Variants in ENOX2 observed in about 807,000 individuals in gnomAD.
ENOX2 encodes APK1 antigen.
In ENOX2, 36 loss-of-function variants were observed where a neutral mutation model predicts 45.0. The ratio of observed to expected loss-of-function variants is 0.80; its 90% CI spans 0.61 to 1.06. ENOX2 has a LOEUF of 1.06. ENOX2 is among the 50% of genes least tolerant of loss of function. ENOX2 has a pLI of 0.00. For synonymous variants in ENOX2, 174 were observed against 152.3 expected (o/e 1.14, Z -1.05); for missense variants, 423 against 462.5 (o/e 0.91, Z 0.78).
At position 130,703,133 on chromosome X, in the gene ENOX2, T is replaced by C; in HGVS notation, c.84A>G (p.Gln28=). 2.5e-6 allele frequency: 3 copies of C among 1,208,209 alleles called. No individual in the cohort carries two copies. The highest frequency in any genetic ancestry group is 3.4e-6 in the Non-Finnish European group (3 of 893,682). Reference sequence around the variant, plus strand: ...AAAATAACATACCAGGTAAAATTGGTTGTCCGGCAATTCCCAGCGGTGCCA... The same window carrying C: ...AAAATAACATACCAGGTAAAATTGGCTGTCCGGCAATTCCCAGCGGTGCCA... The part of the protein sequence containing the change: ...LGMAPLGIAG[Q]PILPDFDPAL... The change falls in exon 4 of 15, where the codon CAA becomes CAG. Residue 28 remains glutamine, a synonymous_variant. Coordinates refer to ENST00000394363, the MANE Select transcript of ENOX2 (RefSeq NM_006375.4).
At chrX:130,863,678 A>G (rs2078445245) in intron 2 of ENOX2, among the ~76,000 whole-genome samples, 2 of 112,571 alleles carry the variant, frequency 1.8e-5, no homozygotes, top group South Asian at 3.7e-4. Flanking sequence ...CTACTAAATT[A>G]CCATTCTACA....
At chrX:130,829,149 G>A (rs1276222528) in intron 2 of ENOX2, among the ~76,000 whole-genome samples, 1 of 111,176 alleles carries the variant, frequency 9.0e-6, no homozygotes, top group African/African-American at 3.3e-5. Context: ...GGTGCTCCAT[G>A]AGAATAAGAA....
intron 2 of ENOX2, among the ~76,000 whole-genome samples, chrX:130,871,142 T>C (rs2078578852): frequency 1.8e-5 from 2 of 111,676 alleles, no homozygotes; most frequent in South Asian, 7.4e-4. Context: ...TTAGTCCAAG[T>C]GACTAAAGCC....
chrX:130,714,078 C>T (rs904741906), intron 3 of ENOX2, among the ~76,000 whole-genome samples: 1 of 111,333 alleles, frequency 9.0e-6, no homozygotes, highest in African/African-American at 3.3e-5. Flanking sequence ...GGCAACACTG[C>T]TACCATGCTC....
chrX:130,837,430 A>G (rs2077947238), intron 2 of ENOX2, among the ~76,000 whole-genome samples: 1 of 112,081 alleles, frequency 8.9e-6, no homozygotes, highest in African/African-American at 3.2e-5. Flanking sequence ...TCAGATTTGT[A>G]TAATTTTAGA....
At chrX:130,873,454 A>C (rs1447831893) in intron 2 of ENOX2, among the ~76,000 whole-genome samples, 7 of 111,995 alleles carry the variant, frequency 6.3e-5, no homozygotes, top group Non-Finnish European at 1.3e-4. Context: ...TGGGAGTGTA[A>C]ATTAGTTCAA....
intron 2 of ENOX2, among the ~76,000 whole-genome samples, chrX:130,800,720 C>T (rs1011044429): frequency 4.5e-5 from 5 of 112,005 alleles, no homozygotes; most frequent in African/African-American, 1.6e-4. Flanking sequence ...AACATAGTTA[C>T]ATTTTAGAGG....
intron 2 of ENOX2, among the ~76,000 whole-genome samples, chrX:130,818,479 C>T (rs959586505): frequency 8.9e-6 from 1 of 111,734 alleles, no homozygotes; most frequent in Admixed American, 9.5e-5. Flanking sequence ...GGAGGCATCA[C>T]GCTACCTGAC....
At chrX:130,710,654 T>A (rs1450901990) in intron 3 of ENOX2, among the ~76,000 whole-genome samples, 6 of 112,038 alleles carry the variant, frequency 5.4e-5, no homozygotes, top group Non-Finnish European at 1.9e-5. Flanking sequence ...GAACGCCTTA[T>A]ACCCCTGGTT....
intron 2 of ENOX2, among the ~76,000 whole-genome samples, chrX:130,860,639 T>G (rs1388903256): frequency 9.0e-6 from 1 of 111,444 alleles, no homozygotes; most frequent in African/African-American, 3.3e-5. Flanking sequence ...TCCTGTTTGT[T>G]GTACCCTCAT....
chrX:130,783,565 T>C lies in ENOX2; in HGVS notation c.-57A>G. The C allele has an allele frequency of 3.0e-6, 1 of 330,201 alleles. No homozygotes were observed. Among genetic ancestry groups the C allele is most frequent in the Non-Finnish European group, 5.9e-6 (1 of 169,671 alleles). The allele number at this position is 330,201 out of a possible 1,213,427, so 27.2% of individuals were successfully genotyped here. ...AGCTTACCTGAAGGAGTATTTGTTC[T>C]CTTTCTTTTCTTGCTTGATTCCCCT... On this transcript the variant is annotated 5_prime_UTR_variant, in exon 3 of 15. Coordinates refer to ENST00000394363, the MANE Select transcript of ENOX2 (RefSeq NM_006375.4).
intron 2 of ENOX2, among the ~76,000 whole-genome samples, chrX:130,832,161 G>A (rs2077844141): frequency 2.7e-5 from 3 of 110,401 alleles, no homozygotes; most frequent in Admixed American, 1.9e-4. Context: ...AATATGCTCC[G>A]TCTCACTATA....
intron 3 of ENOX2, among the ~76,000 whole-genome samples, chrX:130,757,608 C>T (rs759641211): frequency 8.9e-6 from 1 of 111,976 alleles, no homozygotes; most frequent in South Asian, 3.8e-4. Context: ...TTTAGCTGTA[C>T]TTAAGTGTCC....
chrX:130,669,681 C>T (rs996263729), intron 7 of ENOX2, among the ~76,000 whole-genome samples: 4 of 111,910 alleles, frequency 3.6e-5, no homozygotes, highest in South Asian at 3.8e-4. Context: ...AAGTCTCTGA[C>T]GTGGAAAGTG....
chrX:130,822,295 A>G, intron 2 of ENOX2, among the ~76,000 whole-genome samples: 1 of 111,680 alleles, frequency 9.0e-6, no homozygotes, highest in South Asian at 3.7e-4. Context: ...ACTTCACAAT[A>G]GTGCGAAAGC....
intron 3 of ENOX2, among the ~76,000 whole-genome samples, chrX:130,771,875 AC>A (rs2039749233): frequency 8.9e-6 from 1 of 111,897 alleles, no homozygotes; most frequent in Non-Finnish European, 1.9e-5. Flanking sequence ...AACCTCACTT[AC>A]CTCATATGCA....
chrX:130,728,789 A>C (rs961527128), intron 3 of ENOX2, among the ~76,000 whole-genome samples: 2 of 111,546 alleles, frequency 1.8e-5, no homozygotes, highest in Non-Finnish European at 3.8e-5. Context: ...GGGAGGATGG[A>C]CTTTTCCTAG....
At chrX:130,696,716 T>C (rs2037771891) in intron 4 of ENOX2, among the ~76,000 whole-genome samples, 1 of 111,550 alleles carries the variant, frequency 9.0e-6, no homozygotes, top group Admixed American at 9.5e-5. Flanking sequence ...TATATGAAAC[T>C]TCCTGTGAAA....
In ENOX2 at chrX:130,857,579, C is replaced by T. The variant is rs552408952; in HGVS notation, c.-183+44105G>A. Among the ~76,000 whole-genome samples, 11 of 111,840 alleles carry T rather than the reference C, an allele frequency of 9.8e-5. No homozygotes were observed. In the South Asian group the frequency reaches 3.7e-3, roughly 38 times the overall value. On this transcript the variant is annotated intron_variant, in intron 2 of 14. Coordinates refer to ENST00000394363, the MANE Select transcript of ENOX2 (RefSeq NM_006375.4). ...AACATAGCACCTACAGTTAACAATACTCATTGTATGCTTTAAATATTCCTA... is the reference window on the plus strand; with the variant it reads ...AACATAGCACCTACAGTTAACAATATTCATTGTATGCTTTAAATATTCCTA...
Sources: gnomAD v4.1 joint callset for allele counts (sites outside exome capture counted in the v4.1 genomes callset) on GRCh38, gnomAD v4.1.1 for gene constraint, MANE v1.5 for transcripts, NCBI Gene and HGNC (gene_info 2026-07-23, HGNC 2026-07-21) for gene names.